Variants in TTC31 observed in about 807,000 individuals in gnomAD.
TTC31 encodes the protein tetratricopeptide repeat protein 31.
In TTC31, 59 loss-of-function variants were observed where a neutral mutation model predicts 60.4. The observed-to-expected ratio is 0.98, with a 90% CI of 0.79 to 1.21. TTC31 has a LOEUF of 1.21. Ranked by LOEUF, TTC31 falls within the 50% of genes most tolerant of loss-of-function variation. The pLI is 0.00. For missense variants in TTC31, 672 were observed against 646.9 expected, an observed-to-expected ratio of 1.04 and a Z score of -0.42; for synonymous variants, 225 against 249.6, an observed-to-expected ratio of 0.90 and a Z score of 0.93.
At position 74,492,119 on chromosome 2, in the gene TTC31, T is replaced by G. The variant is rs901521658; in HGVS notation, c.929-20T>G. 1.2e-6 allele frequency: 2 copies of G among 1,614,194 alleles called. No homozygotes were observed. Among genetic ancestry groups the G allele is most frequent in the Non-Finnish European group, 8.5e-7 (1 of 1,180,030 alleles). ...CTGGGGTAGCCCCATCTGAACCTTC[T>G]CACCCTCTTTCCTTTCCAGAGTTGG... On this transcript the variant is annotated intron_variant, in intron 9 of 12. Coordinates refer to ENST00000233623, the MANE Select transcript of TTC31 (RefSeq NM_022492.6).
Position 74,493,325 on chromosome 2 carries a change from A to C in TTC31, c.*107A>C. On this transcript the variant is annotated 3_prime_UTR_variant, in exon 13 of 13. Transcript: ENST00000233623. ...TTTTGAGACCTTATTCTCTAGATCC[A>C]TAGTTAATGATGCCCTGGCAGTCAT... The C allele has an allele frequency of 8.8e-7, 1 of 1,142,708 alleles. No homozygotes were observed. The highest frequency in any genetic ancestry group is 1.2e-6 in the Non-Finnish European group (1 of 819,480). The allele number at this position is 1,142,708 out of a possible 1,614,324, so 70.8% of individuals were successfully genotyped here.
At chr2:74,487,740 G>A (rs1482178540) in intron 2 of TTC31, among the ~76,000 whole-genome samples, 2 of 152,046 alleles carry the variant, frequency 1.3e-5, no homozygotes, top group East Asian at 3.9e-4. Flanking sequence ...GTGTGCAGTG[G>A]TGTGATCTTG....
rs1229896321 is a variant in TTC31 at position 74,492,250 on chromosome 2, G to C, written c.1019+21G>C. ...CACCGGTAGGTGGGGGCTTGGCCAG[G>C]GCAGGGCAGAGTGTTGAGGACTCAG... On this transcript the variant is annotated intron_variant, in intron 10 of 12. Transcript: ENST00000233623. 5.6e-6 allele frequency: 9 copies of C among 1,614,140 alleles called. No individual in the cohort carries two copies. The South Asian group carries it at 9.9e-5, about 18-fold the overall frequency.
chr2:74,491,529 G>A lies in TTC31; in HGVS notation c.733G>A (p.Val245Ile). ...STFVSLALRK[V>I]GDWPLSARRE... ...TTTTGTGTCTCTGGCTTTGCGCAAG[G>A]TTGGGGATTGGCCCCTCAGTGCCCG... The change falls in exon 8 of 13, where the codon GTT becomes ATT. Residue 245 changes from valine to isoleucine, a missense_variant. By Grantham distance (29) the Val-to-Ile change is conservative. Transcript: ENST00000233623. The A allele has an allele frequency of 1.2e-6, 2 of 1,614,022 alleles. No individual in the cohort carries two copies. Among genetic ancestry groups the A allele is most frequent in the East Asian group, 4.5e-5 (2 of 44,876 alleles).
Position 74,493,218 on chromosome 2 carries a change from AGGGGGCACCGG to A in TTC31, c.*1_*11del. On this transcript the variant is annotated 3_prime_UTR_variant, in exon 13 of 13. Coordinates refer to ENST00000233623, the MANE Select transcript of TTC31 (RefSeq NM_022492.6). ...TCCAGCATCTGTCTCAGGCCAGATG[AGGGGGCACCGG>A]TCCCTCATAGGGCAGGGCCATGTAT... The A allele has an allele frequency of 6.2e-7, 1 of 1,613,862 alleles. No individual in the cohort carries two copies. Among genetic ancestry groups the A allele is most frequent in the South Asian group, 1.1e-5 (1 of 91,088 alleles).
Position 74,492,327 on chromosome 2 carries a change from G to T in TTC31, c.1043G>T (p.Cys348Phe), listed in dbSNP as rs778979786. Reference protein sequence around the residue: ...DHRLFGNRSFCHERLGQPAWA... With the variant: ...DHRLFGNRSFFHERLGQPAWA... Reference sequence around the variant, plus strand: ...AGGTTATTTGGAAATCGTTCCTTCTGCCATGAGCGGTTGGGTCAGCCAGCG... The same window carrying T: ...AGGTTATTTGGAAATCGTTCCTTCTTCCATGAGCGGTTGGGTCAGCCAGCG... Residue 348 changes from cysteine (C) to phenylalanine (F), a missense_variant, in exon 11 of 13, where the codon TGC becomes TTC. Coordinates refer to ENST00000233623, the MANE Select transcript of TTC31 (RefSeq NM_022492.6). The T allele has an allele frequency of 6.3e-7, 1 of 1,583,600 alleles. No individual in the cohort carries two copies. Among genetic ancestry groups the T allele is most frequent in the Admixed American group, 1.7e-5 (1 of 57,634 alleles).
At chr2:74,491,763 G>A (rs1359734325) in intron 8 of TTC31, 91 bp downstream of exon 8, 2 of 1,495,646 alleles carry the variant, frequency 1.3e-6, no homozygotes, top group Non-Finnish European at 1.8e-6. Flanking sequence ...ATTGACACAG[G>A]GTCCAGTGGG....
At chr2:74,491,081 A>T in intron 5 of TTC31, 47 bp from the exon 6 acceptor site, 1 of 1,609,122 alleles carries the variant, frequency 6.2e-7, no homozygotes, top group Non-Finnish European at 8.5e-7. Flanking sequence ...AGCACACGAC[A>T]TACAGTAAGT....
rs780015068 is a variant in TTC31, at chr2:74,492,422, G to C, written c.1138G>C (p.Gly380Arg). 3 of 1,523,358 alleles carry C rather than the reference G, an allele frequency of 2.0e-6. No individual in the cohort carries two copies. Among genetic ancestry groups the C allele is most frequent in the Non-Finnish European group, 2.6e-6 (3 of 1,136,894 alleles). The allele number at this position is 1,523,358 out of a possible 1,614,324, so 94.4% of individuals were successfully genotyped here. Residue 380 changes from glycine (G) to arginine (R), a missense_variant, in exon 11 of 13, where the codon GGC becomes CGC. Gly to Arg is a moderately radical substitution (Grantham distance 125). Coordinates refer to ENST00000233623, the MANE Select transcript of TTC31 (RefSeq NM_022492.6). ...CTGGCCCCGGGGCCTCTTCCGCCTG[G>C]GCAAGGCCTTGATGGGACTACAGGT... ...PGWPRGLFRL[G>R]KALMGLQRFR...
chr2:74,483,702 C>G, intron 2 of TTC31: 2 of 1,048,804 alleles, frequency 1.9e-6, no homozygotes, highest in Non-Finnish European at 2.5e-6. Flanking sequence ...GGAGGCCGGG[C>G]GCGGTGGCTT....
At chr2:74,490,181 T>C in intron 3 of TTC31, 54 bp downstream of exon 3, 2 of 1,610,812 alleles carry the variant, frequency 1.2e-6, no homozygotes, top group African/African-American at 1.3e-5. Flanking sequence ...CTGGGAGGGC[T>C]GACCCTCAGA....
chr2:74,493,153 C>T lies in TTC31; in HGVS notation c.1495C>T (p.Gln499Ter). Residue 499 changes from glutamine to a stop codon, truncating the protein, a stop_gained, in exon 13 of 13, where the codon CAG becomes TAG. Coordinates refer to ENST00000233623, the MANE Select transcript of TTC31 (RefSeq NM_022492.6). LOFTEE classifies it high-confidence loss of function. ...TAGAAGGCCCCATCCTCTCAAGCCC[C>T]AGGACCCTTCAAAGGGCTGGGACAT... ...QSRRPHPLKP[Q>*]DPSKGWDILG... is the part of the protein sequence containing the mutation. The T allele has an allele frequency of 6.2e-7, 1 of 1,614,222 alleles. No homozygotes were observed. The highest frequency in any genetic ancestry group is 8.5e-7 in the Non-Finnish European group (1 of 1,180,030).
intron 2 of TTC31, among the ~76,000 whole-genome samples, chr2:74,486,136 G>A (rs1057279399): frequency 1.3e-5 from 2 of 151,784 alleles, no homozygotes; most frequent in African/African-American, 4.8e-5. Context: ...CATGGTGGTG[G>A]GCGCCTATAG....
chr2:74,490,744 C>T lies in TTC31; in HGVS notation c.546+5C>T, dbSNP rs377275799. 3 of 1,611,328 alleles carry T rather than the reference C, an allele frequency of 1.9e-6. No homozygotes were observed. The highest frequency in any genetic ancestry group is 2.2e-5 in the South Asian group (2 of 90,448). Reference sequence around the variant, plus strand: ...AAAAAGCGACTCAAGAAGAAGGTGGCTAGAGCATGGCTGGAGGGTGCAGGG... The same window carrying T: ...AAAAAGCGACTCAAGAAGAAGGTGGTTAGAGCATGGCTGGAGGGTGCAGGG... On this transcript the variant is annotated splice_donor_5th_base_variant and intron_variant, in intron 5 of 12. Transcript: ENST00000233623.
At chr2:74,485,658 G>A (rs1022858352) in intron 2 of TTC31, among the ~76,000 whole-genome samples, 3 of 150,722 alleles carry the variant, frequency 2.0e-5, no homozygotes, top group Non-Finnish European at 3.0e-5. Flanking sequence ...TTTTAGTAGA[G>A]ACAGGGTTTC....
At chr2:74,483,483 A>G (rs1672689269) in intron 2 of TTC31, 73 bp downstream of exon 2, 4 of 1,606,008 alleles carry the variant, frequency 2.5e-6, no homozygotes, top group East Asian at 2.2e-5. Context: ...CTGTGCAGAA[A>G]CCCGCGACGG....
intron 4 of TTC31, 36 bp from the exon 5 acceptor site, chr2:74,490,620 T>C (rs1005495561): frequency 1.7e-5 from 28 of 1,607,118 alleles, no homozygotes; most frequent in Non-Finnish European, 2.3e-5. Flanking sequence ...TTTCCCTGTT[T>C]CTCTCTTTTT....
intron 2 of TTC31, among the ~76,000 whole-genome samples, chr2:74,484,774 A>G (rs1181296259): frequency 2.0e-5 from 3 of 152,092 alleles, no homozygotes; most frequent in African/African-American, 4.8e-5. Flanking sequence ...GGGTTTTCGA[A>G]GGAGGGACAG....
chr2:74,492,228 C>T lies in TTC31; in HGVS notation c.1018C>T (p.Arg340Trp), dbSNP rs755181077. 14 of 1,614,116 alleles carry T rather than the reference C, an allele frequency of 8.7e-6. No homozygotes were observed. Among genetic ancestry groups the T allele is most frequent in the African/African-American group, 5.3e-5 (4 of 74,946 alleles). Residue 340 changes from arginine (R) to tryptophan (W), a missense_variant and splice_region_variant, in exon 10 of 13, where the codon CGG becomes TGG. Arg to Trp is a moderately radical substitution (Grantham distance 101). Coordinates refer to ENST00000233623, the MANE Select transcript of TTC31 (RefSeq NM_022492.6). ...QALKLNPQDH[R>W]LFGNRSFCHE... is the part of the protein sequence containing the mutation. ...CTTGAAGCTCAACCCCCAGGACCAC[C>T]GGTAGGTGGGGGCTTGGCCAGGGCA...
Sources: allele counts gnomAD v4.1 joint callset (sites outside exome capture counted in the v4.1 genomes callset), GRCh38; gene constraint gnomAD v4.1.1; transcripts MANE v1.5; gene names NCBI Gene and HGNC (gene_info 2026-07-23, HGNC 2026-07-21).